The following AFG1L variants were observed in gnomAD, a reference collection of about 807,000 sequenced individuals.
AFG1L encodes the protein AFG1-like ATPase.
In AFG1L, 53 loss-of-function variants were observed where a neutral mutation model predicts 62.2. The ratio of observed to expected loss-of-function variants is 0.85; its 90% confidence interval spans 0.68 to 1.07. The LOEUF is 1.07. Ranked by LOEUF, AFG1L falls within the 50% of genes least tolerant of loss-of-function variation. AFG1L has a pLI of 0.00. For missense variants in AFG1L, 555 were observed against 590.5 expected (o/e 0.94, Z 0.62); for synonymous variants, 228 against 210.3 (o/e 1.08, Z -0.73).
At chr6:108,522,162 A>T in intron 12 of AFG1L, 135 bp from the exon 13 acceptor site, 3 of 652,562 alleles carry the variant, frequency 4.6e-6, no homozygotes, top group Non-Finnish European at 7.7e-6. Context: ...AAGAGATTGT[A>T]TATGGAAAAA....
At chr6:108,486,564 G>A (rs1014085324) in intron 10 of AFG1L, among the ~76,000 whole-genome samples, 3 of 152,124 alleles carry the variant, frequency 2.0e-5, no homozygotes, top group Non-Finnish European at 2.9e-5. Context: ...GAGCAAAGGA[G>A]CCATAATATC....
chr6:108,372,228 T>G (rs961212024), intron 6 of AFG1L, among the ~76,000 whole-genome samples: 5 of 151,898 alleles, frequency 3.3e-5, no homozygotes, highest in African/African-American at 1.2e-4. Context: ...TTTTTTAAAT[T>G]TATTTTTATT....
chr6:108,494,386 C>T (rs902474882), intron 10 of AFG1L, among the ~76,000 whole-genome samples: 1 of 151,940 alleles, frequency 6.6e-6, no homozygotes, highest in Non-Finnish European at 1.5e-5. Context: ...TCTAGTTTGT[C>T]ACATTGATTT....
At chr6:108,507,978 T>C (rs1249096248) in intron 10 of AFG1L, among the ~76,000 whole-genome samples, 1 of 152,168 alleles carries the variant, frequency 6.6e-6, no homozygotes, top group Non-Finnish European at 1.5e-5. Context: ...TCCCAATCAT[T>C]TGAGCTCAAA....
chr6:108,320,743 G>A (rs1777785142), intron 1 of AFG1L, among the ~76,000 whole-genome samples: 3 of 152,098 alleles, frequency 2.0e-5, no homozygotes, highest in Admixed American at 2.0e-4. Flanking sequence ...GGGCATGGCA[G>A]GCCCTAAGAG....
At chr6:108,357,744 G>A (rs188175442) in intron 5 of AFG1L, among the ~76,000 whole-genome samples, 5 of 152,220 alleles carry the variant, frequency 3.3e-5, no homozygotes, top group East Asian at 1.9e-4. Context: ...GAAATTATGC[G>A]TTTAAATTGG....
intron 1 of AFG1L, among the ~76,000 whole-genome samples, chr6:108,299,267 GAA>G (rs202160469): frequency 1.3e-4 from 13 of 99,470 alleles, no homozygotes; most frequent in African/African-American, 2.7e-4. Flanking sequence ...TCTCAAAAAA[GAA>G]AAAAAAAAAA....
chr6:108,301,744 G>T (rs764118986), intron 1 of AFG1L, among the ~76,000 whole-genome samples: 1 of 152,032 alleles, frequency 6.6e-6, no homozygotes, highest in Non-Finnish European at 1.5e-5. Context: ...CCATGAACGG[G>T]GCAACTGTTG....
intron 10 of AFG1L, among the ~76,000 whole-genome samples, chr6:108,498,818 T>C (rs1380118050): frequency 6.6e-6 from 1 of 151,772 alleles, no homozygotes. Flanking sequence ...CTACTAAAAA[T>C]ACAAAAATTA....
At chr6:108,405,006 A>C (rs1051724234) in intron 7 of AFG1L, among the ~76,000 whole-genome samples, 2 of 152,164 alleles carry the variant, frequency 1.3e-5, no homozygotes, top group South Asian at 4.1e-4. Flanking sequence ...CTGGGAGTAC[A>C]GGTGTTAGCC....
At chr6:108,417,297 A>AC (rs1770359588) in intron 7 of AFG1L, among the ~76,000 whole-genome samples, 2 of 146,740 alleles carry the variant, frequency 1.4e-5, no homozygotes, top group Non-Finnish European at 3.0e-5. Flanking sequence ...CAAAAAAAAA[A>AC]CGGGGAAAAA....
chr6:108,396,678 A>G (rs1350902715), intron 6 of AFG1L, among the ~76,000 whole-genome samples: 1 of 152,038 alleles, frequency 6.6e-6, no homozygotes, highest in East Asian at 1.9e-4. Context: ...TTTAGTTGAG[A>G]TGGAGTTTCA....
intron 8 of AFG1L, among the ~76,000 whole-genome samples, chr6:108,453,412 A>ATTT (rs1402911703): frequency 6.6e-6 from 1 of 152,240 alleles, no homozygotes; most frequent in Non-Finnish European, 1.5e-5. Context: ...CACTTGGGAA[A>ATTT]TATCTATTCC....
At chr6:108,459,003 C>A (rs1464488884) in intron 8 of AFG1L, among the ~76,000 whole-genome samples, 1 of 152,084 alleles carries the variant, frequency 6.6e-6, no homozygotes, top group Non-Finnish European at 1.5e-5. Flanking sequence ...TGAAGCAATA[C>A]CCTTCTGAGA....
In AFG1L at chr6:108,355,732, G is replaced by A. The variant is rs775602429; in HGVS notation, c.494G>A (p.Gly165Asp). The A allele has an allele frequency of 2.5e-6, 4 of 1,609,764 alleles. No individual in the cohort carries two copies. Among genetic ancestry groups the A allele is most frequent in the Non-Finnish European group, 2.5e-6 (3 of 1,178,030 alleles). Residue 165 changes from glycine (G) to aspartate (D), a missense_variant, in exon 4 of 13, where the codon GGT (glycine) becomes GAT (aspartate). Gly to Asp is a moderately conservative substitution (Grantham distance 94). Transcript: ENST00000368977. ...AGGAAAAAACGGGTTCATTTTCATG[G>A]TTTCATGCTAGATGTGCACAAAAGT... ...MKRKKRVHFH[G>D]FMLDVHKRIH...
At position 108,522,454 on chromosome 6, in the gene AFG1L, G is replaced by T; in HGVS notation, c.*29G>T. On this transcript the variant is annotated 3_prime_UTR_variant, in exon 13 of 13. Coordinates refer to ENST00000368977, the MANE Select transcript of AFG1L (RefSeq NM_145315.5). ...CCACTTTTGCATAAATAAAACTCTA[G>T]ACAAATGGTTAACGCAGGCAGAACT... 1 of 1,593,708 alleles carries T rather than the reference G, an allele frequency of 6.3e-7. No individual in the cohort carries two copies. The highest frequency in any genetic ancestry group is 1.1e-5 in the South Asian group (1 of 89,420).
At chr6:108,346,300 C>T (rs979169955) in intron 2 of AFG1L, among the ~76,000 whole-genome samples, 2 of 152,130 alleles carry the variant, frequency 1.3e-5, no homozygotes, top group African/African-American at 4.8e-5. Flanking sequence ...AACTGAAACT[C>T]TGAACCCATT....
chr6:108,446,715 G>A (rs1023194872), intron 7 of AFG1L, among the ~76,000 whole-genome samples: 1 of 150,924 alleles, frequency 6.6e-6, no homozygotes, highest in Non-Finnish European at 1.5e-5. Context: ...TGTTGCTCAG[G>A]CTGGTCTCAA....
At chr6:108,340,279 T>A (rs1002687668) in intron 2 of AFG1L, among the ~76,000 whole-genome samples, 4 of 152,028 alleles carry the variant, frequency 2.6e-5, no homozygotes, top group Admixed American at 6.6e-5. Context: ...TTCTTGCCCA[T>A]AATAACTGAT....
Sources: gnomAD v4.1 joint callset for allele counts (sites outside exome capture counted in the v4.1 genomes callset) on GRCh38, gnomAD v4.1.1 for gene constraint, MANE v1.5 for transcripts, NCBI Gene and HGNC (gene_info 2026-07-23, HGNC 2026-07-21) for gene names.